The following NFIB variants were observed in gnomAD, a reference collection of about 807,000 sequenced individuals.
NFIB encodes nuclear factor 1 B-type.
A neutral mutation model predicts 61.5 loss-of-function variants in NFIB; 11 were observed. The ratio of observed to expected loss-of-function variants is 0.18; its 90% CI spans 0.11 to 0.30. The LOEUF (loss-of-function observed/expected upper bound fraction) is 0.30. Ranked by LOEUF, NFIB falls within the 10% of genes least tolerant of loss-of-function variation. The pLI, the probability that NFIB is intolerant of heterozygous loss-of-function variation, is 1.00. For synonymous variants in NFIB, 260 were observed against 216.5 expected (o/e 1.20, Z -1.76); for missense variants, 471 against 608.9 (o/e 0.77, Z 2.38).
the NFIB span, among the ~76,000 whole-genome samples, chr9:14,407,711 G>C: frequency 6.6e-6 from 1 of 152,128 alleles, no homozygotes; most frequent in East Asian, 1.9e-4. Context: ...TTTAGAGACA[G>C]GATCTTGCTT....
In NFIB at chr9:14,085,109, C is replaced by T. The variant is rs1227055991; in HGVS notation, c.*3200G>A. 1 of 229,490 alleles carries T rather than the reference C, an allele frequency of 4.4e-6. No individual in the cohort carries two copies. The highest frequency in any genetic ancestry group is 8.6e-6 in the Non-Finnish European group (1 of 115,820). The allele number at this position is 229,490 out of a possible 1,614,324, so 14.2% of individuals were successfully genotyped here. On this transcript the variant is annotated 3_prime_UTR_variant, in exon 11 of 11. Coordinates refer to ENST00000380953, the MANE Select transcript of NFIB (RefSeq NM_001190737.2). ...GGCGAGTATCACAGAAATGATTGGA[C>T]TTACTTTTGAACTTGCACTGCTAGG...
the NFIB span, among the ~76,000 whole-genome samples, chr9:14,453,444 A>C: frequency 6.6e-6 from 1 of 152,234 alleles, no homozygotes; most frequent in Non-Finnish European, 1.5e-5. Context: ...CTTAAGATCT[A>C]ATCATCTACT....
chr9:14,254,706 A>C (rs917018350), intron 2 of NFIB, among the ~76,000 whole-genome samples: 1 of 152,214 alleles, frequency 6.6e-6, no homozygotes, highest in Non-Finnish European at 1.5e-5. Flanking sequence ...TTTAATTATC[A>C]CATGCTTATT....
the NFIB span, among the ~76,000 whole-genome samples, chr9:14,479,459 T>C: frequency 1.3e-5 from 2 of 152,170 alleles, no homozygotes; most frequent in African/African-American, 2.4e-5. Flanking sequence ...CTTCTGACAA[T>C]CTGTCCATGT....
chr9:14,089,577 A>G (rs2033519945), intron 10 of NFIB, among the ~76,000 whole-genome samples: 3 of 152,180 alleles, frequency 2.0e-5, no homozygotes, highest in Admixed American at 2.0e-4. Flanking sequence ...TGCATAAATA[A>G]TCATGAACCA....
intron 2 of NFIB, chr9:14,204,560 G>C: frequency 7.3e-7 from 1 of 1,366,658 alleles, no homozygotes; most frequent in Non-Finnish European, 1.0e-6. Context: ...GTACAGACCA[G>C]AGACAAAGCA....
At chr9:14,340,119 T>A (rs1195536830) in intron 1 of NFIB, among the ~76,000 whole-genome samples, 1 of 152,198 alleles carries the variant, frequency 6.6e-6, no homozygotes, top group Non-Finnish European at 1.5e-5. Context: ...GGGCTCTAAC[T>A]TTCAGTCCTG....
chr9:14,372,576 T>G (rs1039228392), intron 1 of NFIB, among the ~76,000 whole-genome samples: 3 of 152,190 alleles, frequency 2.0e-5, no homozygotes, highest in Non-Finnish European at 2.9e-5. Flanking sequence ...TATTCTCTAA[T>G]TACAGTAAGA....
At chr9:14,388,460 A>C (rs2061580328) in intron 1 of NFIB, among the ~76,000 whole-genome samples, 1 of 149,214 alleles carries the variant, frequency 6.7e-6, no homozygotes, top group African/African-American at 2.5e-5. Context: ...AAAAAGAGAG[A>C]AAGAAAAAGA....
Position 14,088,234 on chromosome 9 carries a change from A to G in NFIB, c.*75T>C, listed in dbSNP as rs1267961407. On this transcript the variant is annotated 3_prime_UTR_variant, in exon 11 of 11. Coordinates refer to ENST00000380953, the MANE Select transcript of NFIB (RefSeq NM_001190737.2). ...TTCTGCTTGAAGGAAAGGTTCTCCAATTATGTTCAAACCGTAATTTTGGAC... is the reference window on the plus strand; with the variant it reads ...TTCTGCTTGAAGGAAAGGTTCTCCAGTTATGTTCAAACCGTAATTTTGGAC... 1.9e-6 allele frequency: 3 copies of G among 1,571,708 alleles called. No homozygotes were observed. The highest frequency in any genetic ancestry group is 4.6e-5 in the East Asian group (2 of 43,176).
intron 10 of NFIB, among the ~76,000 whole-genome samples, chr9:14,093,734 G>A (rs993398883): frequency 1.3e-5 from 2 of 152,016 alleles, no homozygotes; most frequent in African/African-American, 4.8e-5. Context: ...CTGAAAACCT[G>A]TTGGGAAAAC....
chr9:14,427,158 A>G, the NFIB span, among the ~76,000 whole-genome samples: 5 of 152,120 alleles, frequency 3.3e-5, no homozygotes, highest in African/African-American at 1.2e-4. Context: ...GTGCCGATTG[A>G]CTTAACAGTT....
intron 1 of NFIB, among the ~76,000 whole-genome samples, chr9:14,392,410 A>G (rs2061634541): frequency 6.6e-6 from 1 of 152,236 alleles, no homozygotes; most frequent in Non-Finnish European, 1.5e-5. Flanking sequence ...CAACTTTTGT[A>G]TAAGTCTAAA....
chr9:14,322,132 T>C lies in NFIB; in HGVS notation c.109-14612A>G, dbSNP rs1369522823. On this transcript the variant is annotated intron_variant, in intron 1 of 8. Coordinates refer to the NFIB transcript ENST00000380934. ...TCCGGGAGTAGTCTTATGTATTTTT[T>C]AATTGTAATTTCTGCACTGCCACAG... 13 of 1,218,836 alleles carry C rather than the reference T, an allele frequency of 1.1e-5. No individual in the cohort carries two copies. The East Asian group carries it at 3.9e-4, about 36-fold the overall frequency. 75.5% of individuals were successfully genotyped at this position (1,218,836 alleles called of 1,614,324 possible).
chr9:14,138,169 T>G (rs1370212556), intron 6 of NFIB, among the ~76,000 whole-genome samples: 1 of 151,864 alleles, frequency 6.6e-6, no homozygotes, highest in Non-Finnish European at 1.5e-5. Flanking sequence ...TAAAATGGGG[T>G]TTCTGTCAGG....
chr9:14,348,400 C>T (rs1472701200), intron 1 of NFIB, among the ~76,000 whole-genome samples: 1 of 151,386 alleles, frequency 6.6e-6, no homozygotes, highest in African/African-American at 2.4e-5. Context: ...TATTTAGGCT[C>T]GCTGAGCGCC....
intron 6 of NFIB, among the ~76,000 whole-genome samples, chr9:14,134,538 A>G (rs1391085609): frequency 6.6e-6 from 1 of 152,198 alleles, no homozygotes; most frequent in Non-Finnish European, 1.5e-5. Flanking sequence ...AATATTCATC[A>G]GCAAAGTAGA....
At chr9:14,167,476 T>G (rs1398880761) in intron 3 of NFIB, among the ~76,000 whole-genome samples, 1 of 152,112 alleles carries the variant, frequency 6.6e-6, no homozygotes, top group South Asian at 2.1e-4. Flanking sequence ...GGGGTTGCAA[T>G]GAGCCAAGAT....
the NFIB span, among the ~76,000 whole-genome samples, chr9:14,439,838 C>A: frequency 1.3e-5 from 2 of 152,232 alleles, no homozygotes; most frequent in Non-Finnish European, 2.9e-5. Flanking sequence ...GTTGAAAACA[C>A]CCCCGAGGCG....
Sources: allele counts gnomAD v4.1 joint callset (sites outside exome capture counted in the v4.1 genomes callset), GRCh38; gene constraint gnomAD v4.1.1; transcripts MANE v1.5; gene names NCBI Gene and HGNC (gene_info 2026-07-23, HGNC 2026-07-21).